IARS1: variants seen among roughly 807,000 people sequenced by gnomAD.
The protein encoded by IARS1 is isoleucine--tRNA ligase, cytoplasmic.
A neutral mutation model predicts 168.2 loss-of-function variants in IARS1; 124 were observed. The ratio of observed to expected loss-of-function variants is 0.74; its 90% CI spans 0.64 to 0.86. IARS1 has a LOEUF of 0.86. Ranked by LOEUF, IARS1 falls within the 40% of genes least tolerant of loss-of-function variation. The pLI, the probability that IARS1 is intolerant of heterozygous loss-of-function variation, is 0.00. For synonymous variants in IARS1, 532 were observed against 529.4 expected, an observed-to-expected ratio of 1.00 and a Z score of -0.07; for missense variants, 1,452 against 1,515.8, an observed-to-expected ratio of 0.96 and a Z score of 0.70.
At chr9:92,223,081 T>C (rs1839894736) in intron 32 of IARS1, among the ~76,000 whole-genome samples, 1 of 152,116 alleles carries the variant, frequency 6.6e-6, no homozygotes, top group African/African-American at 2.4e-5. Flanking sequence ...GAAAGTAAAA[T>C]TTGAGATTAA....
At chr9:92,247,274 G>A in intron 26 of IARS1, 103 bp downstream of exon 26, 2 of 1,033,576 alleles carry the variant, frequency 1.9e-6, no homozygotes, top group South Asian at 3.1e-5. Context: ...GACACGACAG[G>A]ACAGGAAAGG....
At chr9:92,220,368 G>A (rs1465485357) in intron 33 of IARS1, among the ~76,000 whole-genome samples, 1 of 150,422 alleles carries the variant, frequency 6.6e-6, no homozygotes, top group East Asian at 1.9e-4. Flanking sequence ...GTATACATAT[G>A]TAACTAACCT....
intron 12 of IARS1, among the ~76,000 whole-genome samples, chr9:92,270,759 G>A (rs1192317959): frequency 6.6e-6 from 1 of 152,132 alleles, no homozygotes; most frequent in Non-Finnish European, 1.5e-5. Context: ...TTGCACCACT[G>A]CATTCCAGCC....
At chr9:92,285,691 A>T in intron 6 of IARS1, 31 bp downstream of exon 6, 2 of 1,367,944 alleles carry the variant, frequency 1.5e-6, no homozygotes, top group Non-Finnish European at 2.1e-6. Flanking sequence ...ACAAAACTCA[A>T]TGCTGAATAA....
intron 7 of IARS1, 56 bp downstream of exon 7, chr9:92,280,690 C>A: frequency 8.3e-7 from 1 of 1,200,428 alleles, no homozygotes; most frequent in Non-Finnish European, 1.2e-6. Flanking sequence ...TCATATTTTC[C>A]AAAATATAAA....
At chr9:92,219,003 A>G (rs1257990888) in intron 33 of IARS1, among the ~76,000 whole-genome samples, 3 of 152,148 alleles carry the variant, frequency 2.0e-5, no homozygotes, top group Non-Finnish European at 4.4e-5. Flanking sequence ...GAGGCATCAC[A>G]CTACCTGACT....
rs12686087 is a variant in IARS1, at chr9:92,283,678, G to A, written c.597+2044C>T. 5.9e-4 allele frequency among the ~76,000 whole-genome samples: 89 copies of A among 152,134 alleles called. No individual in the cohort carries two copies. In the East Asian group the frequency reaches 0.014, roughly 23 times the overall value. The stretch of plus-strand genomic sequence containing the variant: ...ATTAAAACAAAGTATACTCTGACTC[G>A]ATAATTCCACTACTTGTTATATAAC... On this transcript the variant is annotated intron_variant, in intron 6 of 33. Transcript: ENST00000443024.
intron 33 of IARS1, among the ~76,000 whole-genome samples, chr9:92,220,702 T>C (rs1279054496): frequency 3.3e-5 from 5 of 152,176 alleles, no homozygotes; most frequent in African/African-American, 1.2e-4. Flanking sequence ...GTGGTGGTTC[T>C]TGCTTGTAAT....
At chr9:92,215,086 G>A (rs1166683731) in intron 33 of IARS1, among the ~76,000 whole-genome samples, 1 of 152,200 alleles carries the variant, frequency 6.6e-6, no homozygotes, top group African/African-American at 2.4e-5. Context: ...AGAACGGGCA[G>A]ACTGCCTCCT....
At chr9:92,221,117 T>C (rs1002707726) in intron 33 of IARS1, among the ~76,000 whole-genome samples, 2 of 152,136 alleles carry the variant, frequency 1.3e-5, no homozygotes, top group African/African-American at 4.8e-5. Flanking sequence ...AGCAGCACCT[T>C]ACCTGCAGAG....
chr9:92,232,150 A>G, intron 30 of IARS1, among the ~76,000 whole-genome samples: 1 of 138,776 alleles, frequency 7.2e-6, no homozygotes, highest in Non-Finnish European at 1.5e-5. Flanking sequence ...AGTAGCTAAC[A>G]GAGAAATAAC....
In IARS1 at chr9:92,278,161, C is replaced by T. The variant is rs187728354; in HGVS notation, c.833+38G>A. ...AAAACTAAAGACACACATACAGACA[C>T]ATGCACACAAACACAGAGCAACTAT... On this transcript the variant is annotated intron_variant, in intron 8 of 33. Transcript: ENST00000443024. 3.3e-5 allele frequency: 41 copies of T among 1,259,380 alleles called. No individual in the cohort carries two copies. In the East Asian group the frequency reaches 7.2e-4, roughly 22 times the overall value. The allele number at this position is 1,259,380 out of a possible 1,614,324, so 78.0% of individuals were successfully genotyped here. A position where few individuals can be genotyped will look rare whatever the true frequency, so the allele number is the denominator to read the frequency against.
intron 10 of IARS1, among the ~76,000 whole-genome samples, chr9:92,272,523 G>T (rs924084212): frequency 1.3e-5 from 2 of 152,216 alleles, no homozygotes; most frequent in Non-Finnish European, 2.9e-5. Context: ...CCCTTGCCTG[G>T]TGAAGACAAG....
In IARS1 at chr9:92,250,807, A is replaced by G; in HGVS notation, c.2335T>C (p.Leu779=). The part of the protein sequence containing the change: ...MAPYTPFLTE[L]MYQNLKVLID... ...AGCACCTTTAGATTCTGGTACATCA[A>G]TTCAGTGAGAAAAGGTGTGTAGGGA... The change falls in exon 23 of 34, where the codon TTG becomes CTG. Residue 779 remains leucine, a synonymous_variant. Transcript: ENST00000443024. 1.2e-6 allele frequency: 2 copies of G among 1,612,432 alleles called. No homozygotes were observed. Among genetic ancestry groups the G allele is most frequent in the Non-Finnish European group, 8.5e-7 (1 of 1,179,252 alleles).
At chr9:92,281,325 G>A (rs759166544) in intron 6 of IARS1, among the ~76,000 whole-genome samples, 1 of 151,796 alleles carries the variant, frequency 6.6e-6, no homozygotes, top group Non-Finnish European at 1.5e-5. Context: ...GTAGAGATGG[G>A]GTTATTCCAT....
chr9:92,290,293 C>G (rs1427302525), intron 1 of IARS1, among the ~76,000 whole-genome samples: 1 of 152,104 alleles, frequency 6.6e-6, no homozygotes, highest in East Asian at 1.9e-4. Flanking sequence ...TTGCATTTCC[C>G]TAAGGACTAA....
intron 10 of IARS1, 58 bp downstream of exon 10, chr9:92,274,368 T>C: frequency 7.7e-7 from 1 of 1,304,682 alleles, no homozygotes; most frequent in Non-Finnish European, 1.1e-6. Flanking sequence ...GGACTCCGCA[T>C]CTATGAAAAG....
intron 6 of IARS1, among the ~76,000 whole-genome samples, chr9:92,282,419 G>A (rs1366780579): frequency 2.0e-5 from 3 of 151,626 alleles, no homozygotes; most frequent in African/African-American, 4.9e-5. Context: ...CTCCTGCCTC[G>A]GTTTCCTGAA....
Position 92,252,839 on chromosome 9 carries a change from G to A in IARS1, c.2229+523C>T, listed in dbSNP as rs537302151. Among the ~76,000 whole-genome samples, 32 of 138,252 alleles carry A rather than the reference G, an allele frequency of 2.3e-4. No homozygotes were observed. The South Asian group carries it at 7.4e-3, about 32-fold the overall frequency. 90.7% of individuals were successfully genotyped at this position (138,252 alleles called of 152,430 possible). On this transcript the variant is annotated intron_variant, in intron 21 of 33. Transcript: ENST00000443024. ...AGTGGGAGCCTTCATTGGGCCTGCAGTAAAGAGACCTCGCTCTCTCTATTA... is the reference window on the plus strand; with the variant it reads ...AGTGGGAGCCTTCATTGGGCCTGCAATAAAGAGACCTCGCTCTCTCTATTA...
Sources: gnomAD v4.1 joint callset for allele counts (sites outside exome capture counted in the v4.1 genomes callset) on GRCh38, gnomAD v4.1.1 for gene constraint, MANE v1.5 for transcripts, NCBI Gene and HGNC (gene_info 2026-07-23, HGNC 2026-07-21) for gene names.